The following NTM variants were observed in gnomAD, a reference collection of about 807,000 sequenced individuals.
NTM encodes the protein neurotrimin.
In NTM, 13 loss-of-function variants were observed where a neutral mutation model predicts 42.1. The ratio of observed to expected loss-of-function variants is 0.31; its 90% confidence interval spans 0.20 to 0.49. The LOEUF is 0.49. Ranked by LOEUF, NTM falls within the 20% of genes least tolerant of loss-of-function variation. The probability of loss-of-function intolerance (pLI) is 0.99; values close to 1 mark genes in which losing one functional copy is unlikely to be tolerated. For synonymous variants in NTM, 187 were observed against 179.2 expected (o/e 1.04, Z -0.35); for missense variants, 373 against 452.8 (o/e 0.82, Z 1.60).
chr11:132,245,279 T>C (rs553943041), intron 4 of NTM, among the ~76,000 whole-genome samples: 2 of 151,404 alleles, frequency 1.3e-5, no homozygotes, highest in Non-Finnish European at 1.5e-5. Flanking sequence ...GGGGGAGAGG[T>C]CAGAAATAAT....
At chr11:132,051,525 G>T (rs930436020) in intron 2 of NTM, among the ~76,000 whole-genome samples, 30 of 152,148 alleles carry the variant, frequency 2.0e-4, no homozygotes, top group Non-Finnish European at 4.1e-4. Context: ...TGGCCACAGG[G>T]AGCCTTATCC....
chr11:131,749,619 A>C (rs969257048), intron 1 of NTM, among the ~76,000 whole-genome samples: 9 of 152,066 alleles, frequency 5.9e-5, no homozygotes, highest in African/African-American at 2.2e-4. Context: ...TTTGTTTGAC[A>C]TGGAATTTTG....
intron 4 of NTM, among the ~76,000 whole-genome samples, chr11:132,250,258 T>G (rs2091780094): frequency 6.6e-6 from 1 of 152,232 alleles, no homozygotes. Flanking sequence ...CCATGAACGT[T>G]TTCTGCCTTT....
At chr11:131,455,296 G>A (rs916527439) in intron 1 of NTM, among the ~76,000 whole-genome samples, 2 of 152,134 alleles carry the variant, frequency 1.3e-5, no homozygotes, top group African/African-American at 2.4e-5. Context: ...CGGCCCAAGC[G>A]GAGGCTCACC....
intron 2 of NTM, among the ~76,000 whole-genome samples, chr11:132,034,208 CT>C (rs1245451384): frequency 1.1e-4 from 17 of 152,150 alleles, no homozygotes; most frequent in African/African-American, 3.6e-4. Context: ...GGAATTCTAA[CT>C]CTCTCTTGTT....
At chr11:131,438,056 G>A (rs1420527549) in intron 1 of NTM, among the ~76,000 whole-genome samples, 1 of 152,158 alleles carries the variant, frequency 6.6e-6, no homozygotes, top group African/African-American at 2.4e-5. Context: ...AGTTTGGCTG[G>A]ATATGAAATT....
chr11:131,763,146 C>G (rs10894440), intron 1 of NTM, among the ~76,000 whole-genome samples: 43,349 of 152,032 alleles, frequency 0.29, 6,632 homozygotes, highest in East Asian at 0.41. Context: ...TCTCCATAAA[C>G]ACACCTTTAC....
rs1041655001 is a variant in NTM at position 132,334,408 on chromosome 11, C to T, written c.968-638C>T. 6.6e-5 allele frequency among the ~76,000 whole-genome samples: 10 copies of T among 152,336 alleles called. No homozygotes were observed. The East Asian group carries it at 9.7e-4, about 15-fold the overall frequency. ...CACCTCCATCCATGTGGGCTGGCTT[C>T]GGCCTTGCAGGCATGTGATCCTTGA... On this transcript the variant is annotated intron_variant, in intron 8 of 8. Transcript: ENST00000683400.
intron 2 of NTM, among the ~76,000 whole-genome samples, chr11:132,130,420 A>T (rs991108749): frequency 6.6e-6 from 1 of 152,184 alleles, no homozygotes; most frequent in Admixed American, 6.5e-5. Context: ...CGTGATAATT[A>T]CAATGAGAGG....
intron 1 of NTM, among the ~76,000 whole-genome samples, chr11:131,500,029 C>A (rs920673715): frequency 1.3e-5 from 2 of 152,140 alleles, no homozygotes; most frequent in East Asian, 1.9e-4. Context: ...AGTGTGTGGT[C>A]CCCCCATGCC....
At chr11:132,209,303 T>C (rs2082461059) in intron 3 of NTM, among the ~76,000 whole-genome samples, 1 of 152,194 alleles carries the variant, frequency 6.6e-6, no homozygotes, top group African/African-American at 2.4e-5. Flanking sequence ...AAGTCCCAGA[T>C]TATAGAGCTA....
At chr11:131,915,379 G>T (rs2056128689) in intron 2 of NTM, among the ~76,000 whole-genome samples, 1 of 151,996 alleles carries the variant, frequency 6.6e-6, no homozygotes, top group Admixed American at 6.6e-5. Context: ...TTCTTCCCTT[G>T]GGCTGCAGAG....
intron 3 of NTM, among the ~76,000 whole-genome samples, chr11:132,195,754 T>G (rs2080105898): frequency 6.6e-6 from 1 of 152,228 alleles, no homozygotes; most frequent in South Asian, 2.1e-4. Flanking sequence ...GCTAGCCTTA[T>G]GCAGAAGATT....
chr11:131,782,504 G>A (rs1362024897), intron 1 of NTM, among the ~76,000 whole-genome samples: 1 of 152,004 alleles, frequency 6.6e-6, no homozygotes, highest in Non-Finnish European at 1.5e-5. Context: ...TTTATTTTAT[G>A]AGGCCATTAT....
chr11:131,522,652 G>C (rs78741290), intron 1 of NTM, among the ~76,000 whole-genome samples: 1 of 152,214 alleles, frequency 6.6e-6, no homozygotes, highest in African/African-American at 2.4e-5. Flanking sequence ...GAAGAACTGG[G>C]ATTATTTAAC....
chr11:132,195,311 C>T (rs938093461), intron 3 of NTM, among the ~76,000 whole-genome samples: 4 of 151,856 alleles, frequency 2.6e-5, no homozygotes, highest in East Asian at 1.9e-4. Context: ...AAAAACAAAT[C>T]GAAAAACATT....
intron 2 of NTM, among the ~76,000 whole-genome samples, chr11:132,028,938 G>A (rs1392213522): frequency 1.3e-5 from 2 of 152,082 alleles, no homozygotes; most frequent in African/African-American, 4.8e-5. Flanking sequence ...CCAAAGTCTG[G>A]AGCTCTCATG....
At chr11:131,790,731 C>G (rs932575393) in intron 1 of NTM, among the ~76,000 whole-genome samples, 3 of 152,188 alleles carry the variant, frequency 2.0e-5, no homozygotes, top group Admixed American at 1.3e-4. Context: ...CCTCTTACAG[C>G]TCACAAGACA....
At chr11:132,295,120 TCTCTGTCTCTCTCA>T (rs1565409970) in intron 4 of NTM, among the ~76,000 whole-genome samples, 2 of 151,902 alleles carry the variant, frequency 1.3e-5, no homozygotes, top group Non-Finnish European at 2.9e-5. Context: ...TCTCTCTCTC[TCTCTGTCTCTCTCA>T]CACACACAAA....
Sources: allele counts gnomAD v4.1 joint callset (sites outside exome capture counted in the v4.1 genomes callset), GRCh38; gene constraint gnomAD v4.1.1; transcripts MANE v1.5; gene names NCBI Gene and HGNC (gene_info 2026-07-23, HGNC 2026-07-21).